Variants in ADAMTSL1 observed in about 807,000 individuals in gnomAD.
ADAMTSL1 encodes ADAMTS-like protein 1.
ADAMTSL1 carries 126 observed loss-of-function variants against 201.8 expected under a neutral mutation model. That is an observed-to-expected ratio of 0.62 (90% confidence interval 0.54 to 0.72). The LOEUF is 0.72. ADAMTSL1 is among the 30% of genes least tolerant of loss of function. The pLI is 0.00. For synonymous variants in ADAMTSL1, 1,121 were observed against 903.4 expected (o/e 1.24, Z -4.32); for missense variants, 2,679 against 2,277.8 (o/e 1.18, Z -3.59).
chr9:17,974,440 G>A (rs2131440486), intron 1 of ADAMTSL1, among the ~76,000 whole-genome samples: 1 of 152,082 alleles, frequency 6.6e-6, no homozygotes, highest in Non-Finnish European at 1.5e-5. Flanking sequence ...TGTAAATGTA[G>A]TCACCATGCT....
intron 1 of ADAMTSL1, among the ~76,000 whole-genome samples, chr9:18,028,095 G>C (rs190013479): frequency 1.3e-5 from 2 of 152,124 alleles, no homozygotes; most frequent in East Asian, 1.9e-4. Context: ...GAGCCTATGG[G>C]TGTCAATGCA....
At chr9:18,491,125 A>T (rs1822251063) in intron 1 of ADAMTSL1, among the ~76,000 whole-genome samples, 1 of 152,224 alleles carries the variant, frequency 6.6e-6, no homozygotes, top group Non-Finnish European at 1.5e-5. Flanking sequence ...TCTGAGGCCC[A>T]GCACCAGAGA....
rs112886805 is a variant in ADAMTSL1 at position 18,127,481 on chromosome 9, A to AACACACACACAC, written c.88-36351_88-36340dup. ...GTGGTGCATGCATAGGCACATACAC[A>AACACACACACAC]ACACACACACACACACACACACACA... On this transcript the variant is annotated intron_variant, in intron 1 of 29. Coordinates refer to the ADAMTSL1 transcript ENST00000680146. 6.1e-3 allele frequency among the ~76,000 whole-genome samples: 885 copies of AACACACACACAC among 146,220 alleles called. 11 individuals are homozygous for AACACACACACAC. The highest frequency in any genetic ancestry group is 0.021 in the African/African-American group (793 of 38,612).
At chr9:18,516,254 G>C (rs1587430667) in intron 2 of ADAMTSL1, among the ~76,000 whole-genome samples, 1 of 152,158 alleles carries the variant, frequency 6.6e-6, no homozygotes, top group Non-Finnish European at 1.5e-5. Flanking sequence ...AAGAAAGAGA[G>C]AGAGATGGAG....
chr9:18,649,480 C>A (rs540453796), intron 7 of ADAMTSL1, among the ~76,000 whole-genome samples: 2 of 152,262 alleles, frequency 1.3e-5, no homozygotes, highest in Non-Finnish European at 2.9e-5. Context: ...TTTAGAGTTT[C>A]CAGTTTTTCT....
chr9:18,418,961 G>T (rs1818817215), intron 2 of ADAMTSL1, among the ~76,000 whole-genome samples: 1 of 152,214 alleles, frequency 6.6e-6, no homozygotes. Context: ...CAGTTGTCAA[G>T]ACAGGGTGGT....
chr9:18,234,619 C>T (rs1830768689), intron 2 of ADAMTSL1, among the ~76,000 whole-genome samples: 1 of 152,114 alleles, frequency 6.6e-6, no homozygotes, highest in South Asian at 2.1e-4. Context: ...TCTTGGTTCC[C>T]ACCAAGACTG....
At chr9:18,356,563 G>A (rs555609669) in intron 2 of ADAMTSL1, among the ~76,000 whole-genome samples, 33 of 137,906 alleles carry the variant, frequency 2.4e-4, no homozygotes, top group African/African-American at 9.0e-4. Flanking sequence ...GCTATCATCT[G>A]CAGCCTAAAA....
At chr9:18,878,535 A>C (rs935681568) in intron 23 of ADAMTSL1, among the ~76,000 whole-genome samples, 1 of 152,228 alleles carries the variant, frequency 6.6e-6, no homozygotes, top group Non-Finnish European at 1.5e-5. Context: ...GGTAAGGTCA[A>C]ATCCTTCTCC....
chr9:18,662,937 A>C (rs1829194010), intron 9 of ADAMTSL1, among the ~76,000 whole-genome samples: 1 of 152,230 alleles, frequency 6.6e-6, no homozygotes, highest in South Asian at 2.1e-4. Context: ...AGCAATCAGG[A>C]ATACCAAAAG....
intron 1 of ADAMTSL1, among the ~76,000 whole-genome samples, chr9:18,086,856 T>C (rs1823791673): frequency 6.6e-6 from 1 of 152,214 alleles, no homozygotes; most frequent in Non-Finnish European, 1.5e-5. Context: ...TTTTTTTATT[T>C]CAAGTGCTTT....
intron 2 of ADAMTSL1, among the ~76,000 whole-genome samples, chr9:18,195,802 T>C (rs1829151549): frequency 6.6e-6 from 1 of 152,104 alleles, no homozygotes; most frequent in Non-Finnish European, 1.5e-5. Flanking sequence ...TTTAAGTGAC[T>C]TCTGTTTACT....
chr9:18,681,177 C>A (rs2133169742), intron 11 of ADAMTSL1: 1 of 152,822 alleles, frequency 6.5e-6, no homozygotes, highest in East Asian at 1.9e-4. Context: ...AGACTCTTCA[C>A]TGAGCCCTGT....
chr9:18,887,518 G>GA (rs1828975162), intron 23 of ADAMTSL1, among the ~76,000 whole-genome samples: 1 of 152,022 alleles, frequency 6.6e-6, no homozygotes, highest in African/African-American at 2.4e-5. Context: ...TACTTACCTT[G>GA]AAAAAACTGT....
At chr9:17,965,229 T>C (rs1312575438) in intron 1 of ADAMTSL1, among the ~76,000 whole-genome samples, 1 of 152,158 alleles carries the variant, frequency 6.6e-6, no homozygotes, top group African/African-American at 2.4e-5. Flanking sequence ...TTTTTTCCTA[T>C]GAACATTTAA....
intron 2 of ADAMTSL1, among the ~76,000 whole-genome samples, chr9:18,292,275 G>A (rs1833303712): frequency 6.6e-6 from 1 of 152,058 alleles, no homozygotes; most frequent in Non-Finnish European, 1.5e-5. Context: ...CAGGAGAGGT[G>A]AACAGCAGGT....
intron 1 of ADAMTSL1, among the ~76,000 whole-genome samples, chr9:17,928,629 G>A (rs1826651688): frequency 1.3e-5 from 2 of 152,098 alleles, no homozygotes; most frequent in South Asian, 4.1e-4. Context: ...TATGTGTTCT[G>A]TCAGGCATGG....
At chr9:18,446,737 A>G (rs1427549265) in intron 2 of ADAMTSL1, among the ~76,000 whole-genome samples, 1 of 152,226 alleles carries the variant, frequency 6.6e-6, no homozygotes, top group Admixed American at 6.5e-5. Flanking sequence ...TTTTCTCAAC[A>G]TGTTCTTACC....
At chr9:17,994,074 G>A (rs540791971) in intron 1 of ADAMTSL1, among the ~76,000 whole-genome samples, 8 of 149,910 alleles carry the variant, frequency 5.3e-5, no homozygotes, top group Admixed American at 1.3e-4. Flanking sequence ...GCTCCACCTC[G>A]GCAGACAGAA....
Sources: gnomAD v4.1 joint callset for allele counts (sites outside exome capture counted in the v4.1 genomes callset) on GRCh38, gnomAD v4.1.1 for gene constraint, MANE v1.5 for transcripts, NCBI Gene and HGNC (gene_info 2026-07-23, HGNC 2026-07-21) for gene names.